FAAH: variants seen among roughly 807,000 people sequenced by gnomAD.
The protein encoded by FAAH is fatty-acid amide hydrolase 1.
Under a neutral mutation model 69.7 loss-of-function variants are expected in FAAH, and 63 were observed. The observed-to-expected ratio is 0.90, with a 90% CI of 0.74 to 1.12. The LOEUF is 1.12. FAAH is among the 50% of genes most tolerant of loss of function. FAAH has a pLI of 0.00. For synonymous variants in FAAH, 305 were observed against 324.2 expected (o/e 0.94, Z 0.64); for missense variants, 680 against 755.0 (o/e 0.90, Z 1.16).
rs190256317 is a variant in FAAH at position 46,407,079 on chromosome 1, T to C, written c.951+711T>C. Among the ~76,000 whole-genome samples the C allele has an allele frequency of 1.3e-4, 20 of 151,906 alleles. No individual in the cohort carries two copies. The East Asian group carries it at 4.0e-3, about 31-fold the overall frequency. On this transcript the variant is annotated intron_variant, in intron 7 of 14. Transcript: ENST00000243167. ...GCAGACCCCAGCTCATGTAGCCTGT[T>C]CCTGCCAGACTTGCTGCTACGTGAG...
Position 46,412,213 on chromosome 1 carries a change from C to G in FAAH, c.1427C>G (p.Ala476Gly), listed in dbSNP as rs75429705. The G allele has an allele frequency of 1.7e-3, 2,628 of 1,558,774 alleles. 26 individuals carry two copies. The East Asian group carries it at 0.022, about 13-fold the overall frequency. Reference sequence around the variant, plus strand: ...GATGTGGTGCTGACCCCCATGCTGGCCCCTGCTCTGGACTTGAATGCCCCA... The same window carrying G: ...GATGTGGTGCTGACCCCCATGCTGGGCCCTGCTCTGGACTTGAATGCCCCA... ...DLDVVLTPML[A>G]PALDLNAPGR... is the part of the protein sequence containing the mutation. Residue 476 changes from alanine (A) to glycine (G), a missense_variant, in exon 13 of 15, where the codon GCC becomes GGC. By Grantham distance (60) the Ala-to-Gly change is moderately conservative (BLOSUM62 0). Coordinates refer to ENST00000243167, the MANE Select transcript of FAAH (RefSeq NM_001441.3).
chr1:46,398,620 G>A lies in FAAH; in HGVS notation c.196-3471G>A, dbSNP rs956368016. Among the ~76,000 whole-genome samples the A allele has an allele frequency of 2.7e-5, 4 of 150,444 alleles. No homozygotes were observed. In the East Asian group the frequency reaches 7.8e-4, roughly 29 times the overall value. Reference sequence around the variant, plus strand: ...TCAATCTTGGCTCACTGCAACCTCCGCCTCCCGGGTTCAAGTGATTCTCCT... The same window carrying A: ...TCAATCTTGGCTCACTGCAACCTCCACCTCCCGGGTTCAAGTGATTCTCCT... On this transcript the variant is annotated intron_variant, in intron 1 of 14. Coordinates refer to ENST00000243167, the MANE Select transcript of FAAH (RefSeq NM_001441.3).
At chr1:46,412,558 C>T (rs907554696) in intron 13 of FAAH, among the ~76,000 whole-genome samples, 4 of 152,096 alleles carry the variant, frequency 2.6e-5, no homozygotes, top group African/African-American at 9.7e-5. Context: ...ACCTATAATC[C>T]GAGCACTTTG....
Position 46,413,087 on chromosome 1 carries a change from A to C in FAAH, c.1478A>C (p.Tyr493Ser). 1.2e-6 allele frequency: 2 copies of C among 1,614,168 alleles called. No individual in the cohort carries two copies. The highest frequency in any genetic ancestry group is 1.7e-6 in the Non-Finnish European group (2 of 1,180,016). The stretch of plus-strand genomic sequence containing the variant: ...TAATGTGTTCCAGGGGCCGTCAGCT[A>C]CACTATGCTGTACAACTGCCTGGAC... ...APGRATGAVS[Y>S]TMLYNCLDFP... The change falls in exon 14 of 15, where the codon TAC becomes TCC. Residue 493 changes from tyrosine (Y) to serine (S), a missense_variant. By Grantham distance (144) the Tyr-to-Ser change is moderately radical. Coordinates refer to ENST00000243167, the MANE Select transcript of FAAH (RefSeq NM_001441.3).
Position 46,413,532 on chromosome 1 carries a change from G to A in FAAH, c.1697G>A (p.Arg566Gln), listed in dbSNP as rs754320949. The A allele has an allele frequency of 1.7e-5, 28 of 1,614,056 alleles. No homozygotes were observed. Among genetic ancestry groups the A allele is most frequent in the Admixed American group, 6.7e-5 (4 of 60,012 alleles). ...GAAGAGTTGTGTCTGCGGTTCATGC[G>A]GGAGGTGGAGCGACTGATGACCCCT... is the stretch of plus-strand genomic sequence containing the variant. ...WQEELCLRFMREVERLMTPEK... is the reference protein window; with the variant it reads ...WQEELCLRFMQEVERLMTPEK... Residue 566 changes from arginine (R) to glutamine (Q), a missense_variant, in exon 15 of 15, where the codon CGG becomes CAG. Coordinates refer to ENST00000243167, the MANE Select transcript of FAAH (RefSeq NM_001441.3).
intron 1 of FAAH, among the ~76,000 whole-genome samples, chr1:46,398,777 C>T (rs1557756625): frequency 6.6e-6 from 1 of 152,092 alleles, no homozygotes; most frequent in Non-Finnish European, 1.5e-5. Flanking sequence ...TCAGGTGATC[C>T]GCCTGCCTCG....
chr1:46,397,141 A>C (rs1349423350), intron 1 of FAAH, among the ~76,000 whole-genome samples: 1 of 152,164 alleles, frequency 6.6e-6, no homozygotes, highest in East Asian at 1.9e-4. Context: ...CCTCCTGTTT[A>C]TCCCTGGCTC....
In FAAH at chr1:46,405,443, T is replaced by C. The variant is rs573516908; in HGVS notation, c.516T>C (p.His172=). The part of the protein sequence containing the change: ...VPAECDSVVV[H]VLKLQGAVPF... ...CGGAGTGCGACAGCGTAGTGGTGCA[T>C]GTGCTGAAGCTGCAGGGTGCCGTGC... is the stretch of plus-strand genomic sequence containing the variant. Residue 172 remains histidine, a synonymous_variant, in exon 4 of 15, where the codon CAT becomes CAC. Coordinates refer to ENST00000243167, the MANE Select transcript of FAAH (RefSeq NM_001441.3). This position sits in a 1 kb window ranked among gnomAD's most constrained non-coding sequence, Gnocchi z 4.1. 2.3e-5 allele frequency: 37 copies of C among 1,607,570 alleles called. No individual in the cohort carries two copies. Among genetic ancestry groups the C allele is most frequent in the Non-Finnish European group, 2.8e-5 (33 of 1,177,438 alleles).
At chr1:46,399,229 G>C (rs1449361681) in intron 1 of FAAH, among the ~76,000 whole-genome samples, 1 of 152,212 alleles carries the variant, frequency 6.6e-6, no homozygotes. Flanking sequence ...GAGGGGCAAT[G>C]CCTCCTAAGT....
intron 7 of FAAH, 38 bp downstream of exon 7, chr1:46,406,406 A>C (rs767442243): frequency 6.2e-7 from 1 of 1,613,068 alleles, no homozygotes; most frequent in South Asian, 1.1e-5. Flanking sequence ...TGGACCGCTG[A>C]ACCCAGACAG....
In FAAH at chr1:46,395,822, G is replaced by A. The variant is rs910913301; in HGVS notation, c.195+1279G>A. ...GAGAGGAACAGGAGAGAGATATGAG[G>A]AAGGCACCTTGCATGCCAGCCCAGG... On this transcript the variant is annotated intron_variant, in intron 1 of 14. Transcript: ENST00000243167. Among the ~76,000 whole-genome samples the A allele has an allele frequency of 5.3e-5, 8 of 152,254 alleles. No individual in the cohort carries two copies. In the South Asian group the frequency reaches 6.2e-4, roughly 12 times the overall value.
Position 46,404,926 on chromosome 1 carries a change from A to G in FAAH, c.310-88A>G. The G allele has an allele frequency of 6.3e-7, 1 of 1,586,478 alleles. No homozygotes were observed. On this transcript the variant is annotated intron_variant, in intron 2 of 14. Transcript: ENST00000243167. The surrounding 1 kb of genome is among the most constrained non-coding windows in gnomAD (Gnocchi z 4.5). The stretch of plus-strand genomic sequence containing the variant: ...ACCCCTCTCCCTGGGTATACTTTAA[A>G]AGGCCAGTTCTACATGATGTATATT...
At chr1:46,406,219 C>T (rs758297784) in intron 6 of FAAH, 25 bp from the exon 7 acceptor site, 20 of 1,613,936 alleles carry the variant, frequency 1.2e-5, no homozygotes, top group Non-Finnish European at 1.6e-5. Context: ...TGTCTGCTTA[C>T]CTCCCTCACC....
rs758948862 is a variant in FAAH, at chr1:46,405,753, C to T, written c.744C>T (p.Phe248=). Residue 248 remains phenylalanine (F), a synonymous_variant, in exon 5 of 15, where the codon TTC becomes TTT. Coordinates refer to ENST00000243167, the MANE Select transcript of FAAH (RefSeq NM_001441.3). This position sits in a 1 kb window ranked among gnomAD's most constrained non-coding sequence, Gnocchi z 4.1. ...GCAGCATCCGCTTCCCCTCCTCCTT[C>T]TGCGGCATCTGCGGCCTCAAGCCCA... ...IGGSIRFPSS[F]CGICGLKPTG... The T allele has an allele frequency of 3.1e-6, 5 of 1,613,500 alleles. No individual in the cohort carries two copies. The highest frequency in any genetic ancestry group is 2.2e-5 in the South Asian group (2 of 91,078).
At chr1:46,413,260 C>T (rs1664950006) in intron 14 of FAAH, 40 bp downstream of exon 14, 1 of 1,613,794 alleles carries the variant, frequency 6.2e-7, no homozygotes, top group Admixed American at 1.7e-5. Context: ...TCACTCCCCA[C>T]CCTGACTCTG....
At chr1:46,409,350 G>A in intron 9 of FAAH, 152 bp downstream of exon 9, 1 of 691,720 alleles carries the variant, frequency 1.4e-6, no homozygotes, top group Admixed American at 2.0e-5. Flanking sequence ...CCCTCCAGCT[G>A]GGCACATTGA....
chr1:46,408,349 C>T lies in FAAH; in HGVS notation c.952-110C>T. On this transcript the variant is annotated intron_variant, in intron 7 of 14. Coordinates refer to ENST00000243167, the MANE Select transcript of FAAH (RefSeq NM_001441.3). Reference sequence around the variant, plus strand: ...ATGCAGAAGGGGCTGGCCTCGCTGACTGCAGCCTCGCAGCTGTGTCTGGGG... The same window carrying T: ...ATGCAGAAGGGGCTGGCCTCGCTGATTGCAGCCTCGCAGCTGTGTCTGGGG... The T allele has an allele frequency of 2.0e-6, 3 of 1,476,130 alleles. No homozygotes were observed. The East Asian group carries it at 6.8e-5, about 33-fold the overall frequency. The allele number at this position is 1,476,130 out of a possible 1,614,324, so 91.4% of individuals were successfully genotyped here.
intron 1 of FAAH, among the ~76,000 whole-genome samples, chr1:46,398,323 G>A (rs1433664233): frequency 6.6e-6 from 1 of 152,086 alleles, no homozygotes; most frequent in South Asian, 2.1e-4. Flanking sequence ...AACTCCTAAG[G>A]CACCCTTCTG....
intron 1 of FAAH, among the ~76,000 whole-genome samples, chr1:46,395,993 A>G (rs1299386710): frequency 2.0e-5 from 3 of 152,114 alleles, no homozygotes; most frequent in Admixed American, 6.5e-5. Flanking sequence ...ACCGCTCAGT[A>G]TAGGGAGGAC....
Sources: allele counts gnomAD v4.1 joint callset (sites outside exome capture counted in the v4.1 genomes callset), GRCh38; gene constraint gnomAD v4.1.1; non-coding constraint Gnocchi (gnomAD v3.1); transcripts MANE v1.5; gene names NCBI Gene and HGNC (gene_info 2026-07-23, HGNC 2026-07-21).